The following AKAP6 variants were observed in gnomAD, a reference collection of about 807,000 sequenced individuals.
AKAP6 encodes the protein A-kinase anchoring protein 6.
A neutral mutation model predicts 188.5 loss-of-function variants in AKAP6; 58 were observed. The ratio of observed to expected loss-of-function variants is 0.31; its 90% CI spans 0.25 to 0.38. The LOEUF is 0.38. Among genes scored for constraint, AKAP6 ranks in the 10% least tolerant of loss-of-function variants. The pLI is 1.00. For missense variants in AKAP6, 2,710 were observed against 2,740.0 expected, an observed-to-expected ratio of 0.99 and a Z score of 0.24; for synonymous variants, 989 against 998.6, an observed-to-expected ratio of 0.99 and a Z score of 0.18.
At chr14:32,621,821 G>T (rs970851024) in intron 7 of AKAP6, among the ~76,000 whole-genome samples, 2 of 152,082 alleles carry the variant, frequency 1.3e-5, no homozygotes, top group African/African-American at 4.8e-5. Context: ...TTTAAGCAGG[G>T]TTATTTATGA....
Position 32,433,907 on chromosome 14 carries a change from T to G in AKAP6, c.324+90T>G, listed in dbSNP as rs1019669922. 3.1e-6 allele frequency: 4 copies of G among 1,294,152 alleles called. No homozygotes were observed. In the African/African-American group the frequency reaches 5.9e-5, roughly 19 times the overall value. 80.2% of individuals were successfully genotyped at this position (1,294,152 alleles called of 1,614,324 possible). ...GTGTTCTGTAATTTCCAGTGAGGAA[T>G]TGTCCAGGAAGAAAAGCACAGTACC... On this transcript the variant is annotated intron_variant, in intron 2 of 13. Transcript: ENST00000280979.
rs181495988 is a variant in AKAP6 at position 32,565,350 on chromosome 14, C to T, written c.2347-11770C>T. 7.5e-4 allele frequency among the ~76,000 whole-genome samples: 114 copies of T among 152,328 alleles called. 1 individual carries two copies. The East Asian group carries it at 0.017, about 23-fold the overall frequency. ...TCTCCTTCTGAATTTTGTATTTCCTCTTTCAGGGAATGGTACCTCCAACCA... is the reference window on the plus strand; with the variant it reads ...TCTCCTTCTGAATTTTGTATTTCCTTTTTCAGGGAATGGTACCTCCAACCA... On this transcript the variant is annotated intron_variant, in intron 4 of 13. Transcript: ENST00000280979.
At chr14:32,524,493 ATATT>A (rs1328360768) in intron 2 of AKAP6, among the ~76,000 whole-genome samples, 1 of 152,062 alleles carries the variant, frequency 6.6e-6, no homozygotes, top group Admixed American at 6.6e-5. Flanking sequence ...TATATTAAAT[ATATT>A]TATTTGTGTG....
intron 2 of AKAP6, among the ~76,000 whole-genome samples, chr14:32,453,481 G>A (rs778121131): frequency 2.6e-5 from 4 of 150,978 alleles, no homozygotes; most frequent in Non-Finnish European, 2.9e-5. Context: ...TAAAATCAAT[G>A]CCTGTATAGG....
chr14:32,500,191 G>T (rs1373221641), intron 2 of AKAP6, among the ~76,000 whole-genome samples: 2 of 152,118 alleles, frequency 1.3e-5, no homozygotes, highest in Admixed American at 6.6e-5. Flanking sequence ...GATCCATGAA[G>T]TTATCAGCAG....
chr14:32,760,980 A>T (rs1315360409), intron 11 of AKAP6, among the ~76,000 whole-genome samples: 3 of 152,240 alleles, frequency 2.0e-5, no homozygotes, highest in Non-Finnish European at 4.4e-5. Flanking sequence ...GAATACTGAA[A>T]ACTGGTGAAA....
At chr14:32,436,775 A>G (rs145642843) in intron 2 of AKAP6, among the ~76,000 whole-genome samples, 39 of 152,202 alleles carry the variant, frequency 2.6e-4, no homozygotes, top group African/African-American at 7.7e-4. Context: ...TGTCTCTACT[A>G]AAAATACAAA....
At chr14:32,730,156 A>T (rs1206097157) in intron 9 of AKAP6, among the ~76,000 whole-genome samples, 1 of 152,194 alleles carries the variant, frequency 6.6e-6, no homozygotes. Context: ...AAATTAAAAT[A>T]AATATTTTCA....
intron 2 of AKAP6, among the ~76,000 whole-genome samples, chr14:32,533,363 A>C (rs1882513868): frequency 6.6e-6 from 1 of 152,190 alleles, no homozygotes; most frequent in South Asian, 2.1e-4. Context: ...AAAGTGCCAA[A>C]GTGGCTAAAA....
At chr14:32,352,111 G>T (rs866927411) in intron 1 of AKAP6, among the ~76,000 whole-genome samples, 480 of 141,256 alleles carry the variant, frequency 3.4e-3, no homozygotes, top group African/African-American at 0.012. Context: ...GTTTGTGTGT[G>T]TGTGTGTGTG....
intron 13 of AKAP6, among the ~76,000 whole-genome samples, chr14:32,828,000 T>A (rs962813268): frequency 4.6e-5 from 7 of 152,236 alleles, no homozygotes; most frequent in Middle Eastern, 3.4e-3. Flanking sequence ...GGGGGGTGGG[T>A]TGAGGAGCTG....
At chr14:32,466,898 CAAA>C (rs1878490092) in intron 2 of AKAP6, among the ~76,000 whole-genome samples, 1 of 136,222 alleles carries the variant, frequency 7.3e-6, no homozygotes, top group South Asian at 2.3e-4. Flanking sequence ...TATATAAAAA[CAAA>C]ACAATTGAGG....
intron 1 of AKAP6, among the ~76,000 whole-genome samples, chr14:32,365,202 T>C (rs999123518): frequency 6.6e-6 from 1 of 152,200 alleles, no homozygotes; most frequent in African/African-American, 2.4e-5. Context: ...TTTTCTGAGC[T>C]ACAGGATGGC....
At chr14:32,554,732 A>G (rs1883620091) in intron 4 of AKAP6, among the ~76,000 whole-genome samples, 1 of 152,176 alleles carries the variant, frequency 6.6e-6, no homozygotes, top group African/African-American at 2.4e-5. Flanking sequence ...GTAATTATTG[A>G]TGCTGGGTTA....
At chr14:32,523,656 A>G (rs993595169) in intron 2 of AKAP6, among the ~76,000 whole-genome samples, 9 of 151,996 alleles carry the variant, frequency 5.9e-5, no homozygotes, top group African/African-American at 1.9e-4. Context: ...TTTTGTAGAG[A>G]TGGGGTCTCA....
intron 7 of AKAP6, among the ~76,000 whole-genome samples, chr14:32,676,415 T>C (rs1407013776): frequency 6.6e-6 from 1 of 152,172 alleles, no homozygotes; most frequent in Non-Finnish European, 1.5e-5. Flanking sequence ...TAGTTGGCAG[T>C]CTTCTATATG....
At chr14:32,653,263 A>C (rs907745311) in intron 7 of AKAP6, among the ~76,000 whole-genome samples, 2 of 152,048 alleles carry the variant, frequency 1.3e-5, no homozygotes, top group Admixed American at 6.6e-5. Flanking sequence ...GTGTTGTGAT[A>C]TAGTTTGGAT....
At chr14:32,451,574 T>C (rs998529061) in intron 2 of AKAP6, among the ~76,000 whole-genome samples, 3 of 152,220 alleles carry the variant, frequency 2.0e-5, no homozygotes, top group African/African-American at 7.2e-5. Flanking sequence ...AAAGCTGTCG[T>C]TGACTAATTT....
At chr14:32,732,357 A>G in intron 9 of AKAP6, 97 bp from the exon 10 acceptor site, 2 of 1,405,118 alleles carry the variant, frequency 1.4e-6, no homozygotes, top group Non-Finnish European at 1.9e-6. Flanking sequence ...GGGAACAAAA[A>G]CTTTTAATGC....
Sources: gnomAD v4.1 joint callset for allele counts (sites outside exome capture counted in the v4.1 genomes callset) on GRCh38, gnomAD v4.1.1 for gene constraint, MANE v1.5 for transcripts, NCBI Gene and HGNC (gene_info 2026-07-23, HGNC 2026-07-21) for gene names.